The following PLEKHB2 variants were observed in gnomAD, a reference collection of about 807,000 sequenced individuals.
PLEKHB2 encodes the protein pleckstrin homology domain containing B2.
PLEKHB2 carries 31 observed loss-of-function variants against 36.5 expected under a neutral mutation model. The ratio of observed to expected loss-of-function variants is 0.85; its 90% CI spans 0.64 to 1.15. The LOEUF is 1.15. Among genes scored for constraint, PLEKHB2 ranks in the 50% most tolerant of loss-of-function variants. The pLI, the probability that PLEKHB2 is intolerant of heterozygous loss-of-function variation, is 0.00. For synonymous variants in PLEKHB2, 119 were observed against 112.0 expected (o/e 1.06, Z -0.39); for missense variants, 262 against 295.3 (o/e 0.89, Z 0.83).
chr2:131,105,942 C>T (rs1694676886), intron 1 of PLEKHB2, among the ~76,000 whole-genome samples: 1 of 152,224 alleles, frequency 6.6e-6, no homozygotes, highest in Non-Finnish European at 1.5e-5. Flanking sequence ...GAGGTCTCCC[C>T]TCCTTAAGTC....
At chr2:131,145,979 G>A (rs2104996079) in intron 7 of PLEKHB2, among the ~76,000 whole-genome samples, 1 of 151,890 alleles carries the variant, frequency 6.6e-6, no homozygotes, top group Middle Eastern at 3.4e-3. Context: ...TCAGGAGATC[G>A]AGACCATCCT....
At chr2:131,116,300 A>C (rs1308458688) in intron 1 of PLEKHB2, among the ~76,000 whole-genome samples, 1 of 152,156 alleles carries the variant, frequency 6.6e-6, no homozygotes, top group South Asian at 2.1e-4. Context: ...CTTGAGACTC[A>C]ACTGCCTGAA....
intron 1 of PLEKHB2, among the ~76,000 whole-genome samples, chr2:131,110,758 G>A (rs990753489): frequency 3.9e-5 from 6 of 152,132 alleles, no homozygotes; most frequent in African/African-American, 1.4e-4. Flanking sequence ...TAGATGTCCT[G>A]TGTCTTGCTG....
chr2:131,143,007 C>T (rs1419812166), intron 7 of PLEKHB2, among the ~76,000 whole-genome samples: 3 of 152,130 alleles, frequency 2.0e-5, no homozygotes, highest in Non-Finnish European at 4.4e-5. Flanking sequence ...TTCAGGTACT[C>T]CTACCCCCAT....
intron 4 of PLEKHB2, among the ~76,000 whole-genome samples, chr2:131,129,725 A>T (rs1697479073): frequency 6.6e-6 from 1 of 152,116 alleles, no homozygotes; most frequent in South Asian, 2.1e-4. Context: ...GCTGGTCTCG[A>T]ACTCCTGACC....
At chr2:131,145,074 C>A (rs989805307) in intron 7 of PLEKHB2, among the ~76,000 whole-genome samples, 9 of 152,180 alleles carry the variant, frequency 5.9e-5, no homozygotes, top group Non-Finnish European at 1.2e-4. Context: ...CATTCATCAT[C>A]CTCTGTTGTA....
intron 4 of PLEKHB2, among the ~76,000 whole-genome samples, chr2:131,130,339 C>T (rs970872876): frequency 5.3e-5 from 8 of 152,144 alleles, no homozygotes; most frequent in African/African-American, 1.2e-4. Flanking sequence ...GCACTACATC[C>T]GGTCCCCAGC....
At chr2:131,110,107 T>C (rs1357953897) in intron 1 of PLEKHB2, among the ~76,000 whole-genome samples, 1 of 151,340 alleles carries the variant, frequency 6.6e-6, no homozygotes, top group African/African-American at 2.4e-5. Context: ...AGAGTGAGAC[T>C]CCGTCTCAAA....
In PLEKHB2 at chr2:131,133,011, TC is replaced by T; in HGVS notation, c.423+22del. ...CCTGAGGTAGGGAGAACCCTGAGCCTCCAGGTGAGGGAAGTTTGGGGTCTCT... is the reference window on the plus strand; with the variant it reads ...CCTGAGGTAGGGAGAACCCTGAGCCTCAGGTGAGGGAAGTTTGGGGTCTCT... On this transcript the variant is annotated intron_variant, in intron 6 of 7. Transcript: ENST00000693505. The T allele has an allele frequency of 6.3e-7, 1 of 1,588,074 alleles. No homozygotes were observed. The highest frequency in any genetic ancestry group is 8.6e-7 in the Non-Finnish European group (1 of 1,156,472).
At chr2:131,140,517 ATT>A (rs1698682922) in intron 7 of PLEKHB2, among the ~76,000 whole-genome samples, 1 of 151,930 alleles carries the variant, frequency 6.6e-6, no homozygotes, top group Non-Finnish European at 1.5e-5. Flanking sequence ...TTCTCAGAGA[ATT>A]TTGTACTTAT....
chr2:131,129,691 G>A (rs1010652934), intron 4 of PLEKHB2, among the ~76,000 whole-genome samples: 4 of 50,072 alleles, frequency 8.0e-5, no homozygotes, highest in African/African-American at 1.3e-4. Flanking sequence ...TTTAGTAGAA[G>A]CTTGGTTTTA....
chr2:131,134,997 T>C (rs1019280330), intron 6 of PLEKHB2, among the ~76,000 whole-genome samples: 2 of 152,224 alleles, frequency 1.3e-5, no homozygotes, highest in Non-Finnish European at 2.9e-5. Flanking sequence ...ACATTTTTAG[T>C]TTTAGTTTCC....
chr2:131,128,742 C>A (rs1351096267), intron 4 of PLEKHB2, among the ~76,000 whole-genome samples: 1 of 152,062 alleles, frequency 6.6e-6, no homozygotes, highest in Non-Finnish European at 1.5e-5. Context: ...ATGAAAAGAT[C>A]AGAGATATGT....
chr2:131,130,863 C>G, intron 5 of PLEKHB2, 103 bp downstream of exon 5: 1 of 791,592 alleles, frequency 1.3e-6, no homozygotes. Context: ...TCACTGCAGC[C>G]TCTACCTCTC....
intron 1 of PLEKHB2, among the ~76,000 whole-genome samples, chr2:131,105,629 C>T (rs1418235189): frequency 6.6e-6 from 1 of 152,086 alleles, no homozygotes; most frequent in Non-Finnish European, 1.5e-5. Context: ...TCAGTCTCCC[C>T]TAGAGCAGCC....
chr2:131,140,307 C>A, intron 7 of PLEKHB2, 32 bp downstream of exon 7: 1 of 1,197,670 alleles, frequency 8.3e-7, no homozygotes, highest in Non-Finnish European at 1.2e-6. Context: ...TTCCTCATTT[C>A]TCTCCATTTG....
rs545170362 is a variant in PLEKHB2, at chr2:131,113,159, T to A, written c.-9+7761T>A. On this transcript the variant is annotated intron_variant, in intron 1 of 7. Coordinates refer to ENST00000693505, the MANE Select transcript of PLEKHB2 (RefSeq NM_001100623.2). ...ATGTAGTGGTGTGATCACGGCTCAC[T>A]GCAACCTCCCCATCCCAGGCTCAAG... 3.3e-5 allele frequency among the ~76,000 whole-genome samples: 5 copies of A among 152,086 alleles called. No individual in the cohort carries two copies. In the East Asian group the frequency reaches 9.7e-4, roughly 29 times the overall value.
At chr2:131,114,327 T>C (rs752711709) in intron 1 of PLEKHB2, among the ~76,000 whole-genome samples, 5 of 152,168 alleles carry the variant, frequency 3.3e-5, no homozygotes, top group Admixed American at 1.3e-4. Flanking sequence ...GGTTTCATCG[T>C]GTTAGCCAGG....
rs1370502066 is a variant in PLEKHB2, at chr2:131,138,165, G to A, written c.424-2002G>A. Among the ~76,000 whole-genome samples the A allele has an allele frequency of 2.0e-5, 3 of 150,650 alleles. No individual in the cohort carries two copies. In the South Asian group the frequency reaches 6.3e-4, roughly 32 times the overall value. On this transcript the variant is annotated intron_variant, in intron 6 of 7. Transcript: ENST00000693505. ...GCCCATTCATTGAACTATTTAAATTGGTTATTGTATTTATTAGTTCTGAAA... is the reference window on the plus strand; with the variant it reads ...GCCCATTCATTGAACTATTTAAATTAGTTATTGTATTTATTAGTTCTGAAA...
Sources: gnomAD v4.1 joint callset for allele counts (sites outside exome capture counted in the v4.1 genomes callset) on GRCh38, gnomAD v4.1.1 for gene constraint, MANE v1.5 for transcripts, NCBI Gene and HGNC (gene_info 2026-07-23, HGNC 2026-07-21) for gene names.